Variants in UPP2 observed in about 807,000 individuals in gnomAD.
UPP2 encodes the protein uridine phosphorylase 2.
In UPP2, 23 loss-of-function variants were observed where a neutral mutation model predicts 26.7. That is an observed-to-expected ratio of 0.86 (90% CI 0.62 to 1.22). The LOEUF (loss-of-function observed/expected upper bound fraction) is 1.22, where lower values mean the gene tolerates loss of function less well. UPP2 is among the 50% of genes most tolerant of loss of function. The pLI is 0.00. For missense variants in UPP2, 387 were observed against 396.7 expected, an observed-to-expected ratio of 0.98 and a Z score of 0.21; for synonymous variants, 127 against 141.3, an observed-to-expected ratio of 0.90 and a Z score of 0.72.
intron 3 of UPP2, among the ~76,000 whole-genome samples, chr2:158,051,201 G>GTGTGTGTA (rs1682152176): frequency 1.4e-5 from 2 of 144,096 alleles, no homozygotes; most frequent in Non-Finnish European, 3.1e-5. Flanking sequence ...GTGTGTGTAT[G>GTGTGTGTA]TGTGTATAAT....
intron 3 of UPP2, among the ~76,000 whole-genome samples, chr2:158,096,396 C>T (rs200326319): frequency 5.3e-5 from 8 of 152,054 alleles, no homozygotes; most frequent in Admixed American, 1.3e-4. Context: ...GTCAGGAGTT[C>T]GAGACCAGCC....
At position 158,110,077 on chromosome 2, in the gene UPP2, C is replaced by T. The variant is rs192983119; in HGVS notation, c.180+3861C>T. ...CCTGCAGGTTTGTTACATATGTATA[C>T]ATGTGCCATGTTGGTGTGCTGCACC... is the stretch of plus-strand genomic sequence containing the variant. On this transcript the variant is annotated intron_variant, in intron 2 of 6. Transcript: ENST00000005756. Among the ~76,000 whole-genome samples the T allele has an allele frequency of 8.5e-4, 129 of 152,234 alleles. No homozygotes were observed. The East Asian group carries it at 0.016, about 19-fold the overall frequency.
At chr2:158,090,522 A>C (rs927971274) in intron 3 of UPP2, among the ~76,000 whole-genome samples, 1 of 151,190 alleles carries the variant, frequency 6.6e-6, no homozygotes, top group Non-Finnish European at 1.5e-5. Flanking sequence ...AAAAACCCAA[A>C]AAACAAACAA....
At chr2:158,022,645 G>C (rs1175173870) in intron 3 of UPP2, among the ~76,000 whole-genome samples, 1 of 152,028 alleles carries the variant, frequency 6.6e-6, no homozygotes, top group Non-Finnish European at 1.5e-5. Flanking sequence ...TCTACTGCAG[G>C]CACAGCCCTC....
intron 6 of UPP2, among the ~76,000 whole-genome samples, chr2:158,130,060 A>G (rs529398016): frequency 2.1e-4 from 32 of 152,172 alleles, no homozygotes; most frequent in Non-Finnish European, 3.4e-4. Context: ...AAAATGCTGG[A>G]ATTACAGGCA....
intron 3 of UPP2, among the ~76,000 whole-genome samples, chr2:158,040,293 A>C (rs923827230): frequency 2.6e-5 from 4 of 152,214 alleles, no homozygotes; most frequent in African/African-American, 4.8e-5. Flanking sequence ...TAATGGCCTC[A>C]GTTATATTGT....
chr2:158,114,834 C>T (rs1298541805), intron 2 of UPP2, among the ~76,000 whole-genome samples: 1 of 152,178 alleles, frequency 6.6e-6, no homozygotes, highest in Non-Finnish European at 1.5e-5. Flanking sequence ...TAAACAAAAA[C>T]ACCAGGAAAC....
intron 4 of UPP2, 41 bp downstream of exon 4, chr2:158,117,979 T>C (rs773848768): frequency 1.4e-5 from 22 of 1,520,960 alleles, no homozygotes; most frequent in Non-Finnish European, 1.6e-5. Context: ...TGAGTGATCC[T>C]TACATACATG....
intron 3 of UPP2, among the ~76,000 whole-genome samples, chr2:158,054,866 T>C (rs1682222142): frequency 6.6e-6 from 1 of 152,220 alleles, no homozygotes; most frequent in African/African-American, 2.4e-5. Context: ...TTAAATAAAT[T>C]CACAGTGTTG....
chr2:158,031,938 C>T (rs1482111741), intron 3 of UPP2, among the ~76,000 whole-genome samples: 8 of 152,138 alleles, frequency 5.3e-5, no homozygotes, highest in Non-Finnish European at 1.0e-4. Flanking sequence ...ATACCTCCCT[C>T]GAGTATGTTC....
At chr2:158,101,853 T>C (rs931553198), upstream of UPP2, 38 of 1,339,240 alleles carry the variant, frequency 2.8e-5, no homozygotes, top group Non-Finnish European at 3.6e-5. Context: ...AAAAGTCATG[T>C]CAGGGAGGAC....
Position 158,070,179 on chromosome 2 carries a change from A to G in UPP2, c.148-31861A>G, listed in dbSNP as rs563121502. Among the ~76,000 whole-genome samples, 10 of 152,188 alleles carry G rather than the reference A, an allele frequency of 6.6e-5. 1 individual carries two copies. In the South Asian group the frequency reaches 2.1e-3, roughly 32 times the overall value. ...TTTTGCTACTGTAGTCTCTCCCTAT[A>G]ATTAACAACTCTTTATATTAAACTT... is the stretch of plus-strand genomic sequence containing the variant. On this transcript the variant is annotated intron_variant, in intron 3 of 9. Coordinates refer to the UPP2 transcript ENST00000605860.
intron 2 of UPP2, among the ~76,000 whole-genome samples, chr2:158,002,987 G>A (rs1300492355): frequency 6.6e-6 from 1 of 151,918 alleles, no homozygotes; most frequent in Non-Finnish European, 1.5e-5. Context: ...CTATGCTTTA[G>A]GTCTAACTGC....
At chr2:158,117,648 C>G (rs1294052933) in intron 3 of UPP2, among the ~76,000 whole-genome samples, 176 bp from the exon 4 acceptor site, 1 of 151,948 alleles carries the variant, frequency 6.6e-6, no homozygotes, top group African/African-American at 2.4e-5. Context: ...ACACATCTGT[C>G]AGCATGTCAT....
chr2:158,009,146 A>G (rs1338228972), intron 2 of UPP2, among the ~76,000 whole-genome samples: 1 of 152,184 alleles, frequency 6.6e-6, no homozygotes, highest in Non-Finnish European at 1.5e-5. Context: ...GGATTTAATT[A>G]CTAAAGCTTT....
upstream of UPP2, chr2:158,101,755 C>G: frequency 1.1e-6 from 1 of 875,534 alleles, no homozygotes; most frequent in Non-Finnish European, 1.4e-6. Context: ...ACAAGCTAAC[C>G]AACCTGGTCA....
intron 3 of UPP2, among the ~76,000 whole-genome samples, chr2:158,021,004 C>G (rs1002934625): frequency 6.6e-6 from 1 of 152,196 alleles, no homozygotes; most frequent in African/African-American, 2.4e-5. Context: ...CTGCTTGGCT[C>G]TACTCTAGGA....
intron 2 of UPP2, among the ~76,000 whole-genome samples, chr2:158,009,994 T>C (rs1407154843): frequency 6.6e-6 from 1 of 152,268 alleles, no homozygotes; most frequent in Non-Finnish European, 1.5e-5. Flanking sequence ...CAAAGTGATT[T>C]AATTTAGATT....
chr2:158,131,985 T>G (rs753516621), intron 6 of UPP2, among the ~76,000 whole-genome samples: 5 of 152,202 alleles, frequency 3.3e-5, no homozygotes, highest in Non-Finnish European at 5.9e-5. Context: ...GTAAAAAGTA[T>G]AGAGCACTGG....
Sources: gnomAD v4.1 joint callset for allele counts (sites outside exome capture counted in the v4.1 genomes callset) on GRCh38, gnomAD v4.1.1 for gene constraint, MANE v1.5 for transcripts, NCBI Gene and HGNC (gene_info 2026-07-23, HGNC 2026-07-21) for gene names.